Variants in C2CD3 observed in about 807,000 individuals in gnomAD.
C2CD3 encodes C2 domain-containing protein 3.
Under a neutral mutation model 234.0 loss-of-function variants are expected in C2CD3, and 148 were observed. The observed-to-expected ratio is 0.63, with a 90% confidence interval of 0.55 to 0.72. The LOEUF is 0.72. Among genes scored for constraint, C2CD3 ranks in the 30% least tolerant of loss-of-function variants. C2CD3 has a pLI of 0.00. For missense variants in C2CD3, 2,577 were observed against 2,811.5 expected (o/e 0.92, Z 1.89); for synonymous variants, 1,000 against 1,035.4 (o/e 0.97, Z 0.66).
intron 24 of C2CD3, among the ~76,000 whole-genome samples, chr11:74,059,548 G>A (rs976252139): frequency 6.6e-6 from 1 of 151,952 alleles, no homozygotes; most frequent in African/African-American, 2.4e-5. Flanking sequence ...TCCTCCAGGG[G>A]CCTCAGTCTG....
rs1365317334 is a variant in C2CD3 at position 74,164,099 on chromosome 11, A to AT, written c.326-2544_326-2543insA. 4 of 716,932 alleles carry AT rather than the reference A, an allele frequency of 5.6e-6. No individual in the cohort carries two copies. The African/African-American group carries it at 7.8e-5, about 14-fold the overall frequency. 44.4% of individuals were successfully genotyped at this position (716,932 alleles called of 1,614,324 possible). A position where few individuals can be genotyped will look rare whatever the true frequency, so the allele number is the denominator to read the frequency against. On this transcript the variant is annotated intron_variant, in intron 2 of 32. Transcript: ENST00000334126. ...CACTACACTTAATTATAAGTCCACT[A>AT]CACTATTCATCACTTCTAGGACAAA...
chr11:74,081,678 T>C (rs826061), intron 22 of C2CD3, among the ~76,000 whole-genome samples: 83,181 of 151,952 alleles, frequency 0.55, 23,162 homozygotes, highest in African/African-American at 0.67. Context: ...GATGATAGTA[T>C]AATGTCTTGA....
chr11:74,083,005 A>G (rs1955461256), intron 22 of C2CD3, among the ~76,000 whole-genome samples: 2 of 152,334 alleles, frequency 1.3e-5, no homozygotes, highest in South Asian at 4.1e-4. Context: ...AGCAAAAAGA[A>G]CAAAGCTGGA....
intron 14 of C2CD3, among the ~76,000 whole-genome samples, chr11:74,101,110 A>T (rs1258419752): frequency 6.6e-6 from 1 of 152,242 alleles, no homozygotes; most frequent in East Asian, 1.9e-4. Flanking sequence ...CACTGGCTGG[A>T]TAGCATTTAA....
At chr11:74,114,767 T>C (rs1392165462) in intron 9 of C2CD3, among the ~76,000 whole-genome samples, 174 bp from the exon 10 acceptor site, 1 of 152,158 alleles carries the variant, frequency 6.6e-6, no homozygotes, top group Non-Finnish European at 1.5e-5. Context: ...AGTGGCACGA[T>C]CATGGCTTAC....
chr11:74,013,762 C>T (rs1951776829), intron 32 of C2CD3, among the ~76,000 whole-genome samples: 1 of 152,180 alleles, frequency 6.6e-6, no homozygotes, highest in East Asian at 1.9e-4. Context: ...AACTCAAGGT[C>T]CCACAGCTCT....
intron 16 of C2CD3, among the ~76,000 whole-genome samples, chr11:74,095,948 C>T (rs1429978347): frequency 1.3e-5 from 2 of 152,118 alleles, no homozygotes; most frequent in Non-Finnish European, 2.9e-5. Flanking sequence ...CTCAGTCTGG[C>T]CATTCAGAAT....
chr11:74,022,852 C>T (rs772040934), intron 32 of C2CD3, among the ~76,000 whole-genome samples: 53 of 152,230 alleles, frequency 3.5e-4, no homozygotes, highest in Non-Finnish European at 6.8e-4. Flanking sequence ...CTAAACCAGC[C>T]ATCGTTCTCA....
intron 4 of C2CD3, among the ~76,000 whole-genome samples, 157 bp downstream of exon 4, chr11:74,139,448 A>C (rs529070919): frequency 6.6e-6 from 1 of 152,320 alleles, no homozygotes; most frequent in South Asian, 2.1e-4. Context: ...ACCTAGTATC[A>C]AACCAGGACC....
chr11:74,076,937 T>C (rs1019777065), intron 23 of C2CD3, among the ~76,000 whole-genome samples: 1 of 152,192 alleles, frequency 6.6e-6, no homozygotes, highest in Non-Finnish European at 1.5e-5. Flanking sequence ...TACTACTGTA[T>C]TCTCCTATTA....
At chr11:74,165,824 A>T (rs1346937034) in intron 2 of C2CD3, among the ~76,000 whole-genome samples, 4 of 151,944 alleles carry the variant, frequency 2.6e-5, no homozygotes, top group African/African-American at 7.3e-5. Context: ...CCAGCTAATT[A>T]AAAAAATTTT....
chr11:74,156,199 AGGAGGTGGAGGTTG>A (rs1856005977), intron 3 of C2CD3, among the ~76,000 whole-genome samples: 1 of 151,970 alleles, frequency 6.6e-6, no homozygotes, highest in Admixed American at 6.6e-5. Context: ...ACTTGAACCC[AGGAGGTGGAGGTTG>A]CAGTGAGCTG....
chr11:74,056,758 T>C (rs548358348), intron 25 of C2CD3, among the ~76,000 whole-genome samples: 9 of 152,340 alleles, frequency 5.9e-5, no homozygotes, highest in African/African-American at 2.2e-4. Context: ...CCGACTCTTA[T>C]TCATCTGGAT....
chr11:74,151,204 G>A (rs774612054), intron 3 of C2CD3, among the ~76,000 whole-genome samples: 8 of 151,426 alleles, frequency 5.3e-5, no homozygotes, highest in Non-Finnish European at 1.0e-4. Context: ...GATTACAGGC[G>A]TCAGCCACAG....
intron 1 of C2CD3, among the ~76,000 whole-genome samples, chr11:74,169,523 T>A (rs1052951675): frequency 1.3e-5 from 2 of 152,108 alleles, no homozygotes; most frequent in Admixed American, 6.5e-5. Flanking sequence ...CAGGACTAAT[T>A]ATTTGGACTT....
chr11:74,161,620 G>T, intron 2 of C2CD3, 64 bp from the exon 3 acceptor site: 1 of 1,110,288 alleles, frequency 9.0e-7, no homozygotes, highest in Non-Finnish European at 1.3e-6. Context: ...TTTAAGACGT[G>T]GGTAGAGGGG....
intron 24 of C2CD3, among the ~76,000 whole-genome samples, chr11:74,073,730 A>G (rs1954906174): frequency 6.6e-6 from 1 of 152,208 alleles, no homozygotes; most frequent in South Asian, 2.1e-4. Context: ...TATTGTTGAC[A>G]ATATCACAGG....
In C2CD3 at chr11:74,037,643, T is replaced by C; in HGVS notation, c.5716A>G (p.Lys1906Glu). 6.2e-7 allele frequency: 1 copy of C among 1,614,120 alleles called. No individual in the cohort carries two copies. The highest frequency in any genetic ancestry group is 8.5e-7 in the Non-Finnish European group (1 of 1,180,006). Residue 1906 changes from lysine to glutamate, a missense_variant, in exon 30 of 33, where the codon AAG becomes GAG. Physicochemically the swap from Lys to Glu is moderately conservative, Grantham distance 56. Coordinates refer to ENST00000334126, the MANE Select transcript of C2CD3 (RefSeq NM_001286577.2). ...IQRYFRQKLT[K>E]PFLPLSPQTQ... ...TGAGGGCTGAGGGGTAGGAAAGGCT[T>C]GGTGAGCTTCTGGCGGAAGTACCTC...
chr11:74,084,116 G>A (rs1349328614), intron 22 of C2CD3, among the ~76,000 whole-genome samples: 2 of 152,162 alleles, frequency 1.3e-5, no homozygotes, highest in African/African-American at 4.8e-5. Context: ...TGCAGCCATA[G>A]AAAGGGATGA....
Sources: gnomAD v4.1 joint callset for allele counts (sites outside exome capture counted in the v4.1 genomes callset) on GRCh38, gnomAD v4.1.1 for gene constraint, MANE v1.5 for transcripts, NCBI Gene and HGNC (gene_info 2026-07-23, HGNC 2026-07-21) for gene names.